BTAF1: variants seen among roughly 807,000 people sequenced by gnomAD.
The protein encoded by BTAF1 is B-TFIID TATA-box binding protein associated factor 1.
A neutral mutation model predicts 227.1 loss-of-function variants in BTAF1; 38 were observed. That is an observed-to-expected ratio of 0.17 (90% CI 0.13 to 0.22). The LOEUF is 0.22. Among genes scored for constraint, BTAF1 ranks in the 10% least tolerant of loss-of-function variants. The pLI is 1.00. For synonymous variants in BTAF1, 742 were observed against 751.9 expected (o/e 0.99, Z 0.21); for missense variants, 1,598 against 2,204.0 (o/e 0.73, Z 5.51).
Position 91,981,969 on chromosome 10 carries a change from T to C in BTAF1, c.1906-114T>C, listed in dbSNP as rs1848093394. ...ATAGTAATGTTTATCCATTAAAATT[T>C]TGTGAAAAGAACTGTATTTTACTGG... On this transcript the variant is annotated intron_variant, in intron 16 of 37. Coordinates refer to ENST00000265990, the MANE Select transcript of BTAF1 (RefSeq NM_003972.3). The C allele has an allele frequency of 2.9e-6, 4 of 1,387,444 alleles. No individual in the cohort carries two copies. In the East Asian group the frequency reaches 1.0e-4, roughly 35 times the overall value. 85.9% of individuals were successfully genotyped at this position (1,387,444 alleles called of 1,614,324 possible).
chr10:91,981,523 T>A, intron 15 of BTAF1, 120 bp from the exon 16 acceptor site: 1 of 1,078,884 alleles, frequency 9.3e-7, no homozygotes, highest in Non-Finnish European at 1.3e-6. Flanking sequence ...TATATTGAAT[T>A]TCTAAATTAA....
At chr10:92,010,974 T>A in intron 28 of BTAF1, 99 bp from the exon 29 acceptor site, 1 of 845,874 alleles carries the variant, frequency 1.2e-6, no homozygotes, top group South Asian at 1.5e-5. Flanking sequence ...AAGGGAATGC[T>A]GGGCTTAGTG....
chr10:91,980,080 G>A (rs1847962738), intron 14 of BTAF1, among the ~76,000 whole-genome samples: 1 of 152,120 alleles, frequency 6.6e-6, no homozygotes, highest in African/African-American at 2.4e-5. Context: ...TAGCACAACA[G>A]CAGTAACCTG....
chr10:91,952,389 GACTC>G (rs1453490713), intron 5 of BTAF1, among the ~76,000 whole-genome samples: 2 of 152,038 alleles, frequency 1.3e-5, no homozygotes, highest in African/African-American at 4.8e-5. Flanking sequence ...TTATGCCACA[GACTC>G]TTTTGAAGCT....
At chr10:91,985,844 G>A (rs917119662) in intron 19 of BTAF1, among the ~76,000 whole-genome samples, 4 of 152,102 alleles carry the variant, frequency 2.6e-5, no homozygotes, top group Admixed American at 2.6e-4. Context: ...AGTTCTTTAT[G>A]TATCCTGGAT....
chr10:92,015,323 A>T (rs976103827), intron 32 of BTAF1, among the ~76,000 whole-genome samples: 1 of 152,142 alleles, frequency 6.6e-6, no homozygotes, highest in Admixed American at 6.5e-5. Flanking sequence ...GTGTCAGTCT[A>T]TCTTACTATT....
At chr10:91,942,885 A>G (rs1845108596) in intron 4 of BTAF1, among the ~76,000 whole-genome samples, 1 of 152,250 alleles carries the variant, frequency 6.6e-6, no homozygotes, top group Admixed American at 6.5e-5. Flanking sequence ...TTAATATATT[A>G]TAAAATCAGG....
chr10:92,006,511 G>A (rs1009793351), intron 25 of BTAF1, among the ~76,000 whole-genome samples: 40 of 152,170 alleles, frequency 2.6e-4, no homozygotes, highest in African/African-American at 9.6e-4. Context: ...TACATGTTTT[G>A]TAACATCATG....
At chr10:91,992,349 A>G (rs1312909976) in intron 21 of BTAF1, 40 bp downstream of exon 21, 1 of 1,494,252 alleles carries the variant, frequency 6.7e-7, no homozygotes, top group East Asian at 2.3e-5. Flanking sequence ...TTGATTTTTA[A>G]ACAAATATCT....
intron 34 of BTAF1, 81 bp downstream of exon 34, chr10:92,019,016 T>C: frequency 7.7e-7 from 1 of 1,294,220 alleles, no homozygotes. Flanking sequence ...TCTTAAAGAT[T>C]ACTACTGTGT....
intron 16 of BTAF1, 145 bp from the exon 17 acceptor site, chr10:91,981,938 A>G (rs1298150340): frequency 7.4e-7 from 1 of 1,344,648 alleles, no homozygotes; most frequent in African/African-American, 1.5e-5. Flanking sequence ...GACCCTGACA[A>G]AATGAATAGT....
chr10:91,972,305 C>T (rs1258924853), intron 14 of BTAF1, among the ~76,000 whole-genome samples: 3 of 152,094 alleles, frequency 2.0e-5, no homozygotes, highest in African/African-American at 4.8e-5. Flanking sequence ...CTCCTGTATC[C>T]TAAGTGTAAT....
At chr10:91,956,380 C>T (rs764240145) in intron 6 of BTAF1, 148 bp from the exon 7 acceptor site, 44 of 1,029,820 alleles carry the variant, frequency 4.3e-5, no homozygotes, top group Non-Finnish European at 5.6e-5. Flanking sequence ...TTAAGTAAAT[C>T]ATATAAGCAG....
intron 24 of BTAF1, among the ~76,000 whole-genome samples, chr10:91,996,809 T>C (rs1286246345): frequency 6.6e-6 from 1 of 152,262 alleles, no homozygotes; most frequent in Non-Finnish European, 1.5e-5. Context: ...TTGCTATTGA[T>C]TTTAAAACAT....
chr10:91,942,541 G>A lies in BTAF1; in HGVS notation c.373G>A (p.Glu125Lys), dbSNP rs376933322. The change falls in exon 4 of 38, where the codon GAA becomes AAA. Residue 125 changes from glutamate to lysine, a missense_variant. Glu to Lys is a moderately conservative substitution (Grantham distance 56, BLOSUM62 1). Coordinates refer to ENST00000265990, the MANE Select transcript of BTAF1 (RefSeq NM_003972.3). ...ATCACTCCTGGGATCTGCTGGTGCCGAATTTGAAGTCCAAGATGAAAAATC... is the reference window on the plus strand; with the variant it reads ...ATCACTCCTGGGATCTGCTGGTGCCAAATTTGAAGTCCAAGATGAAAAATC... ...GASLLGSAGA[E>K]FEVQDEKSGE... is the part of the protein sequence containing the mutation. 12 of 1,613,998 alleles carry A rather than the reference G, an allele frequency of 7.4e-6. 1 individual carries two copies. Among genetic ancestry groups the A allele is most frequent in the African/African-American group, 1.3e-5 (1 of 74,990 alleles).
intron 19 of BTAF1, among the ~76,000 whole-genome samples, chr10:91,987,125 T>TA (rs1848450952): frequency 6.6e-6 from 1 of 151,770 alleles, no homozygotes; most frequent in Admixed American, 6.6e-5. Flanking sequence ...TTTTTTTTTT[T>TA]TTTTTGACAA....
chr10:91,972,821 T>G (rs969618200), intron 14 of BTAF1, among the ~76,000 whole-genome samples: 1 of 152,232 alleles, frequency 6.6e-6, no homozygotes, highest in African/African-American at 2.4e-5. Flanking sequence ...GAGAAACTGT[T>G]TAGTCTTTAT....
At chr10:91,995,541 T>G (rs1279827579) in intron 23 of BTAF1, among the ~76,000 whole-genome samples, 1 of 152,092 alleles carries the variant, frequency 6.6e-6, no homozygotes, top group Non-Finnish European at 1.5e-5. Flanking sequence ...CCGGGCGTGA[T>G]GGGACATGCC....
At chr10:91,980,284 T>C (rs1388113888) in intron 14 of BTAF1, among the ~76,000 whole-genome samples, 170 bp from the exon 15 acceptor site, 1 of 152,212 alleles carries the variant, frequency 6.6e-6, no homozygotes, top group African/African-American at 2.4e-5. Flanking sequence ...ATAATAAATA[T>C]GGTGTTGTTG....
Sources: allele counts gnomAD v4.1 joint callset (sites outside exome capture counted in the v4.1 genomes callset), GRCh38; gene constraint gnomAD v4.1.1; transcripts MANE v1.5; gene names NCBI Gene and HGNC (gene_info 2026-07-23, HGNC 2026-07-21).